Variants in FAM3C observed in about 807,000 individuals in gnomAD.
FAM3C encodes protein FAM3C.
A neutral mutation model predicts 32.5 loss-of-function variants in FAM3C; 15 were observed. The observed-to-expected ratio is 0.46, with a 90% CI of 0.31 to 0.71. The LOEUF is 0.71. FAM3C is among the 30% of genes least tolerant of loss of function. The pLI is 0.05. For missense variants in FAM3C, 175 were observed against 274.4 expected (o/e 0.64, Z 2.56); for synonymous variants, 75 against 86.1 (o/e 0.87, Z 0.72).
At chr7:121,355,867 T>A (rs553635273) in intron 8 of FAM3C, among the ~76,000 whole-genome samples, 1 of 152,026 alleles carries the variant, frequency 6.6e-6, no homozygotes, top group Non-Finnish European at 1.5e-5. Context: ...TTGAAGAGAG[T>A]ACAAAGCCTG....
At chr7:121,372,216 C>A in intron 3 of FAM3C, 77 bp from the exon 4 acceptor site, 4 of 926,850 alleles carry the variant, frequency 4.3e-6, no homozygotes, top group South Asian at 1.5e-5. Context: ...TATTTAGGTC[C>A]ACAAAAATAA....
intron 1 of FAM3C, among the ~76,000 whole-genome samples, chr7:121,384,018 G>A (rs1794414235): frequency 6.6e-6 from 1 of 152,074 alleles, no homozygotes; most frequent in Non-Finnish European, 1.5e-5. Context: ...GCACATCTCT[G>A]AAGGACACTG....
chr7:121,377,542 T>C (rs1018841733), intron 3 of FAM3C, among the ~76,000 whole-genome samples: 6 of 152,216 alleles, frequency 3.9e-5, no homozygotes, highest in Non-Finnish European at 8.8e-5. Flanking sequence ...GTTTACTCGA[T>C]GTAAGTACAA....
chr7:121,392,005 C>T (rs554482542), intron 1 of FAM3C, among the ~76,000 whole-genome samples: 2 of 152,306 alleles, frequency 1.3e-5, no homozygotes, highest in Admixed American at 1.3e-4. Flanking sequence ...CCTTCCAACA[C>T]GACAGACCAA....
intron 1 of FAM3C, among the ~76,000 whole-genome samples, chr7:121,386,692 CATATAT>C (rs60030100): frequency 1.4e-4 from 21 of 147,254 alleles, no homozygotes; most frequent in African/African-American, 5.0e-4. Context: ...CACACGCACA[CATATAT>C]ATATATATAT....
At chr7:121,386,686 C>CAT (rs1491525724) in intron 1 of FAM3C, among the ~76,000 whole-genome samples, 1 of 132,468 alleles carries the variant, frequency 7.5e-6, no homozygotes, top group Non-Finnish European at 1.6e-5. Context: ...CACACACACA[C>CAT]GCACACATAT....
At chr7:121,391,695 ACAGAATGGTTC>A (rs1794580147) in intron 1 of FAM3C, among the ~76,000 whole-genome samples, 1 of 152,180 alleles carries the variant, frequency 6.6e-6, no homozygotes, top group Non-Finnish European at 1.5e-5. Context: ...ACATGGAGAA[ACAGAATGGTTC>A]CATCGCCCAA....
intron 1 of FAM3C, among the ~76,000 whole-genome samples, chr7:121,389,924 T>A (rs972560443): frequency 7.2e-5 from 11 of 152,148 alleles, no homozygotes; most frequent in African/African-American, 2.2e-4. Context: ...AGGATGAAAT[T>A]AATATGGGGC....
intron 1 of FAM3C, among the ~76,000 whole-genome samples, chr7:121,390,848 T>TGGGGTG (rs1040925027): frequency 2.7e-3 from 4 of 1,500 alleles, no homozygotes; most frequent in Admixed American, 8.2e-3. Context: ...AAAGGCTGTG[T>TGGGGTG]GGGGCGGGGG....
At chr7:121,361,728 T>A (rs879446185) in intron 7 of FAM3C, among the ~76,000 whole-genome samples, 2 of 152,158 alleles carry the variant, frequency 1.3e-5, no homozygotes, top group Admixed American at 1.3e-4. Context: ...CAGGCTGGAG[T>A]GCAGTGGCAA....
At chr7:121,364,017 G>T (rs1672085071) in intron 6 of FAM3C, 113 bp downstream of exon 6, 1 of 723,124 alleles carries the variant, frequency 1.4e-6, no homozygotes, top group Non-Finnish European at 2.5e-6. Flanking sequence ...TGGGACAGAG[G>T]GCTTTATCAT....
intron 2 of FAM3C, among the ~76,000 whole-genome samples, chr7:121,381,058 C>G (rs1369306288): frequency 2.0e-5 from 3 of 152,104 alleles, no homozygotes; most frequent in African/African-American, 7.2e-5. Flanking sequence ...AGTTCTGGAA[C>G]TTCTGTTACA....
chr7:121,352,174 A>T (rs1304547670), intron 8 of FAM3C, among the ~76,000 whole-genome samples: 1 of 152,224 alleles, frequency 6.6e-6, no homozygotes, highest in Non-Finnish European at 1.5e-5. Flanking sequence ...ACAGCAGGAA[A>T]GTCAGTGAGG....
At chr7:121,378,507 G>T (rs974378599) in intron 3 of FAM3C, among the ~76,000 whole-genome samples, 2 of 152,098 alleles carry the variant, frequency 1.3e-5, no homozygotes, top group Non-Finnish European at 2.9e-5. Context: ...TCTATGGCTG[G>T]TATCTAAAAT....
chr7:121,394,875 A>G (rs1400947257), intron 1 of FAM3C, among the ~76,000 whole-genome samples: 1 of 152,208 alleles, frequency 6.6e-6, no homozygotes, highest in East Asian at 1.9e-4. Flanking sequence ...TCTAAATTCA[A>G]TAGAGATCTG....
intron 1 of FAM3C, among the ~76,000 whole-genome samples, chr7:121,392,392 A>T (rs1794594628): frequency 6.6e-6 from 1 of 152,154 alleles, no homozygotes; most frequent in African/African-American, 2.4e-5. Flanking sequence ...GAGAAGAGAG[A>T]GAGTGCAGGA....
chr7:121,368,499 T>C (rs149898821), intron 5 of FAM3C, among the ~76,000 whole-genome samples: 24 of 152,338 alleles, frequency 1.6e-4, no homozygotes, highest in African/African-American at 5.5e-4. Flanking sequence ...GGAGGCAGTA[T>C]GAAAGTGCTG....
At chr7:121,360,215 G>GTT in intron 7 of FAM3C, 88 bp from the exon 8 acceptor site, 2 of 724,260 alleles carry the variant, frequency 2.8e-6, no homozygotes, top group East Asian at 5.0e-5. Context: ...AAAACATGAA[G>GTT]TATCTGTAAA....
chr7:121,363,854 T>C (rs1181839899), intron 6 of FAM3C, among the ~76,000 whole-genome samples: 1 of 152,146 alleles, frequency 6.6e-6, no homozygotes, highest in Admixed American at 6.5e-5. Context: ...ATTCCAAAAT[T>C]TGAAGCAAGA....
Sources: gnomAD v4.1 joint callset for allele counts (sites outside exome capture counted in the v4.1 genomes callset) on GRCh38, gnomAD v4.1.1 for gene constraint, MANE v1.5 for transcripts, NCBI Gene and HGNC (gene_info 2026-07-23, HGNC 2026-07-21) for gene names.